Variants in ZNF620 observed in about 807,000 individuals in gnomAD.
ZNF620 encodes zinc finger protein 620.
In ZNF620, 10 loss-of-function variants were observed where a neutral mutation model predicts 13.3. That is an observed-to-expected ratio of 0.75 (90% CI 0.46 to 1.28). ZNF620 has a LOEUF of 1.28. Ranked by LOEUF, ZNF620 falls within the 50% of genes most tolerant of loss-of-function variation. The pLI is 0.00. For missense variants in ZNF620, 461 were observed against 500.2 expected, an observed-to-expected ratio of 0.92 and a Z score of 0.75; for synonymous variants, 166 against 177.6, an observed-to-expected ratio of 0.93 and a Z score of 0.52.
At chr3:40,508,856 C>T (rs1018851177) in intron 2 of ZNF620, 6 of 451,278 alleles carry the variant, frequency 1.3e-5, no homozygotes, top group Non-Finnish European at 2.2e-5. Flanking sequence ...AGATGCAAGC[C>T]ATCCTCCCGC....
chr3:40,506,369 G>A lies in ZNF620; in HGVS notation c.17G>A (p.Trp6Ter). MFQTA[W>*]RQEPVTFEDV... is the part of the protein sequence containing the mutation. Reference sequence around the variant, plus strand: ...ACGCCAGCCATGTTCCAGACCGCTTGGCGCCAGGTGAGTGAGCATCCTCTC... The same window carrying A: ...ACGCCAGCCATGTTCCAGACCGCTTAGCGCCAGGTGAGTGAGCATCCTCTC... Residue 6 changes from tryptophan (W) to a stop codon, truncating the protein, a stop_gained, in exon 2 of 5, where the codon TGG becomes TAG. Transcript: ENST00000314529. LOFTEE classifies it high-confidence loss of function. The A allele has an allele frequency of 6.2e-7, 1 of 1,613,996 alleles. No individual in the cohort carries two copies. Among genetic ancestry groups the A allele is most frequent in the Non-Finnish European group, 8.5e-7 (1 of 1,179,986 alleles).
chr3:40,506,393 T>TTGCCA lies in ZNF620; in HGVS notation c.24+17_24+18insTGCCA. On this transcript the variant is annotated intron_variant, in intron 2 of 4. Transcript: ENST00000314529. ...TGGCGCCAGGTGAGTGAGCATCCTC[T>TTGCCA]CCCTCCCTCCCACCCTTTAGATGTC... 1 of 1,555,976 alleles carries TTGCCA rather than the reference T, an allele frequency of 6.4e-7. No individual in the cohort carries two copies. Among genetic ancestry groups the TTGCCA allele is most frequent in the Non-Finnish European group, 8.8e-7 (1 of 1,132,278 alleles).
chr3:40,506,795 T>C (rs1338056605), intron 2 of ZNF620, among the ~76,000 whole-genome samples: 2 of 152,190 alleles, frequency 1.3e-5, no homozygotes, highest in African/African-American at 4.8e-5. Flanking sequence ...TGGATGCCTT[T>C]TATTTTATTT....
intron 4 of ZNF620, among the ~76,000 whole-genome samples, 162 bp from the exon 5 acceptor site, chr3:40,515,698 A>G (rs1698349816): frequency 6.6e-6 from 1 of 152,038 alleles, no homozygotes; most frequent in Non-Finnish European, 1.5e-5. Flanking sequence ...TTAGGCAGCC[A>G]TCTTGTGAGC....
intron 4 of ZNF620, among the ~76,000 whole-genome samples, chr3:40,513,839 A>G (rs879271948): frequency 6.6e-6 from 1 of 152,150 alleles, no homozygotes; most frequent in Non-Finnish European, 1.5e-5. Context: ...GGCCATACAG[A>G]GATAGGAGCT....
chr3:40,508,161 C>T (rs922279720), intron 2 of ZNF620, among the ~76,000 whole-genome samples: 2 of 152,042 alleles, frequency 1.3e-5, no homozygotes, highest in Admixed American at 6.6e-5. Context: ...CTTCTGGTTT[C>T]ATTACTTTTC....
Position 40,516,346 on chromosome 3 carries a change from C to G in ZNF620, c.752C>G (p.Pro251Arg). 6.2e-7 allele frequency: 1 copy of G among 1,614,160 alleles called. No individual in the cohort carries two copies. The highest frequency in any genetic ancestry group is 1.1e-5 in the South Asian group (1 of 91,080). ...CAGATAATTCACACTGGAAAGAAAC[C>G]ATTTAAATGTAAAGAATGTGGAAAA... ...RHQIIHTGKK[P>R]FKCKECGKGL... Residue 251 changes from proline to arginine, a missense_variant, in exon 5 of 5, where the codon CCA (proline) becomes CGA (arginine). Coordinates refer to ENST00000314529, the MANE Select transcript of ZNF620 (RefSeq NM_175888.4).
At chr3:40,506,243 G>T in intron 1 of ZNF620, 61 bp from the exon 2 acceptor site, 1 of 1,406,342 alleles carries the variant, frequency 7.1e-7, no homozygotes, top group Non-Finnish European at 9.9e-7. Context: ...GTAGCACAGA[G>T]GGCATTTGCG....
chr3:40,516,635 C>G lies in ZNF620; in HGVS notation c.1041C>G (p.Ser347=), dbSNP rs1222192759. 3 of 1,613,372 alleles carry G rather than the reference C, an allele frequency of 1.9e-6. No homozygotes were observed. Among genetic ancestry groups the G allele is most frequent in the East Asian group, 4.5e-5 (2 of 44,846 alleles). The change falls in exon 5 of 5, where the codon TCC becomes TCG. Residue 347 remains serine (S), a synonymous_variant. Coordinates refer to ENST00000314529, the MANE Select transcript of ZNF620 (RefSeq NM_175888.4). ...AAGAGTGTGGAAAACGATTAAGCTC[C>G]AACACAGCCTTGACTCAGCATCAGC... is the stretch of plus-strand genomic sequence containing the variant. The part of the protein sequence containing the change: ...ECKECGKRLS[S]NTALTQHQRI...
chr3:40,516,194 A>T lies in ZNF620; in HGVS notation c.600A>T (p.Gln200His), dbSNP rs767846680. Residue 200 changes from glutamine (Q) to histidine (H), a missense_variant, in exon 5 of 5, where the codon CAA (glutamine) becomes CAT (histidine). Gln to His is a conservative substitution (Grantham distance 24). Coordinates refer to ENST00000314529, the MANE Select transcript of ZNF620 (RefSeq NM_175888.4). ...PSGQISYECG[Q>H]CGRYFIQMAD... The stretch of plus-strand genomic sequence containing the variant: ...GTCAGATATCTTATGAATGTGGACA[A>T]TGTGGCAGATATTTCATTCAAATGG... The T allele has an allele frequency of 6.2e-7, 1 of 1,614,132 alleles. No individual in the cohort carries two copies. Among genetic ancestry groups the T allele is most frequent in the South Asian group, 1.1e-5 (1 of 91,088 alleles).
At position 40,517,679 on chromosome 3, in the gene ZNF620, T is replaced by C. The variant is rs1698434660; in HGVS notation, c.*816T>C. ...GCAATTCTATACTCCAAAGTATAAGTATAGAATAAAGGCATTTCAGACCCT... is the reference window on the plus strand; with the variant it reads ...GCAATTCTATACTCCAAAGTATAAGCATAGAATAAAGGCATTTCAGACCCT... On this transcript the variant is annotated 3_prime_UTR_variant, in exon 5 of 5. Transcript: ENST00000314529. 6.6e-6 allele frequency: 1 copy of C among 152,260 alleles called. No homozygotes were observed. The highest frequency in any genetic ancestry group is 1.5e-5 in the Non-Finnish European group (1 of 68,042). The allele number at this position is 152,260 out of a possible 1,614,324, so 9.4% of individuals were successfully genotyped here.
At chr3:40,515,307 G>A (rs915138435) in intron 4 of ZNF620, among the ~76,000 whole-genome samples, 2 of 152,166 alleles carry the variant, frequency 1.3e-5, no homozygotes, top group Admixed American at 6.5e-5. Context: ...ACCACTGCAT[G>A]GGAGCCTGCT....
intron 4 of ZNF620, among the ~76,000 whole-genome samples, chr3:40,515,577 C>G (rs2125663395): frequency 6.6e-6 from 1 of 152,294 alleles, no homozygotes; most frequent in South Asian, 2.1e-4. Context: ...AATTAACAGT[C>G]TTTGCAGTTT....
chr3:40,506,755 A>C (rs1040331589), intron 2 of ZNF620, among the ~76,000 whole-genome samples: 11 of 152,188 alleles, frequency 7.2e-5, no homozygotes, highest in African/African-American at 2.7e-4. Context: ...ATCTATGAGT[A>C]AAGATAGTTT....
intron 4 of ZNF620, among the ~76,000 whole-genome samples, chr3:40,515,655 A>G (rs1289771813): frequency 6.6e-6 from 1 of 152,056 alleles, no homozygotes; most frequent in Non-Finnish European, 1.5e-5. Context: ...TAGAGTTTTC[A>G]TGTCCCTTGC....
At position 40,516,454 on chromosome 3, in the gene ZNF620, A is replaced by G. The variant is rs1249398282; in HGVS notation, c.860A>G (p.Lys287Arg). 7 of 1,614,006 alleles carry G rather than the reference A, an allele frequency of 4.3e-6. No individual in the cohort carries two copies. Among genetic ancestry groups the G allele is most frequent in the Middle Eastern group, 1.6e-4 (1 of 6,082 alleles). ...CCCTATGAATGTAAGGAGTGCGGCA[A>G]GGCCTTCAGTAGCAGCTCTGTCTTC... Reference protein sequence around the residue: ...EKPYECKECGKAFSSSSVFLQ... With the variant: ...EKPYECKECGRAFSSSSVFLQ... Residue 287 changes from lysine (K) to arginine (R), a missense_variant, in exon 5 of 5, where the codon AAG becomes AGG. Physicochemically the swap from Lys to Arg is conservative, Grantham distance 26. Transcript: ENST00000314529.
At chr3:40,513,154 G>A (rs939933335) in intron 4 of ZNF620, among the ~76,000 whole-genome samples, 6 of 151,246 alleles carry the variant, frequency 4.0e-5, no homozygotes, top group South Asian at 4.2e-4. Context: ...TTCTCACTTC[G>A]ATGGCTATTG....
In ZNF620 at chr3:40,515,953, C is replaced by T; in HGVS notation, c.359C>T (p.Pro120Leu). Residue 120 changes from proline to leucine, a missense_variant, in exon 5 of 5, where the codon CCA becomes CTA. Physicochemically the swap from Pro to Leu is moderately conservative, Grantham distance 98. Transcript: ENST00000314529. ...ESFRLMVGGL[P>L]GNVSQHLDFG... is the part of the protein sequence containing the mutation. Reference sequence around the variant, plus strand: ...TTCAGACTGATGGTGGGGGGCCTGCCAGGGAATGTTTCCCAGCACCTTGAC... The same window carrying T: ...TTCAGACTGATGGTGGGGGGCCTGCTAGGGAATGTTTCCCAGCACCTTGAC... 1.2e-6 allele frequency: 2 copies of T among 1,614,084 alleles called. No homozygotes were observed. The highest frequency in any genetic ancestry group is 1.7e-6 in the Non-Finnish European group (2 of 1,180,014).
Position 40,516,498 on chromosome 3 carries a change from C to CAT in ZNF620, c.905_906insTA (p.Gly304LeufsTer43), listed in dbSNP as rs1421845415. On this transcript the variant is annotated frameshift_variant, in exon 5 of 5. Coordinates refer to ENST00000314529, the MANE Select transcript of ZNF620 (RefSeq NM_175888.4). LOFTEE classifies it low-confidence loss of function (END_TRUNC). ...TGTCTTCCTCCAGCACCAGAGGTTC[C>CAT]ACACTGGGGAGAAGCTCTATGAATG... 6.2e-7 allele frequency: 1 copy of CAT among 1,614,010 alleles called. No homozygotes were observed. Among genetic ancestry groups the CAT allele is most frequent in the Non-Finnish European group, 8.5e-7 (1 of 1,180,000 alleles).
Sources: gnomAD v4.1 joint callset for allele counts (sites outside exome capture counted in the v4.1 genomes callset) on GRCh38, gnomAD v4.1.1 for gene constraint, MANE v1.5 for transcripts, NCBI Gene and HGNC (gene_info 2026-07-23, HGNC 2026-07-21) for gene names.